The following DPF3 variants were observed in gnomAD, a reference collection of about 807,000 sequenced individuals.
The protein encoded by DPF3 is double PHD fingers 3, also known as zinc finger protein DPF3.
Under a neutral mutation model 56.8 loss-of-function variants are expected in DPF3, and 18 were observed. The ratio of observed to expected loss-of-function variants is 0.32; its 90% CI spans 0.22 to 0.47. The LOEUF (loss-of-function observed/expected upper bound fraction) is 0.47. DPF3 is among the 20% of genes least tolerant of loss of function. The pLI is 1.00. For synonymous variants in DPF3, 188 were observed against 180.2 expected, an observed-to-expected ratio of 1.04 and a Z score of -0.35; for missense variants, 403 against 488.8, an observed-to-expected ratio of 0.82 and a Z score of 1.65.
rs560835019 is a variant in DPF3, at chr14:72,753,362, G to A, written c.203C>T (p.Pro68Leu). The part of the protein sequence containing the change: ...EKRHRGPGLA[P>L]GQLYTYPARC... Reference sequence around the variant, plus strand: ...GGCAGGGTATGTATACAGCTGGCCCGGGGCAAGGCCTGTGGACAGAGACAA... The same window carrying A: ...GGCAGGGTATGTATACAGCTGGCCCAGGGCAAGGCCTGTGGACAGAGACAA... Residue 68 changes from proline to leucine, a missense_variant, in exon 3 of 11, where the codon CCG (proline) becomes CTG (leucine). Pro to Leu is a moderately conservative substitution (Grantham distance 98). Transcript: ENST00000556509. The A allele has an allele frequency of 7.4e-6, 12 of 1,610,990 alleles. No individual in the cohort carries two copies. Among genetic ancestry groups the A allele is most frequent in the African/African-American group, 4.0e-5 (3 of 74,982 alleles).
intron 8 of DPF3, among the ~76,000 whole-genome samples, chr14:72,647,039 T>A (rs1037754740): frequency 6.6e-5 from 10 of 152,324 alleles, no homozygotes; most frequent in African/African-American, 2.4e-4. Flanking sequence ...TAATGCAGCG[T>A]GTGGAACCTC....
chr14:72,721,829 G>C (rs1401868657), intron 5 of DPF3, among the ~76,000 whole-genome samples: 1 of 152,108 alleles, frequency 6.6e-6, no homozygotes, highest in Non-Finnish European at 1.5e-5. Context: ...ACAGAGGATG[G>C]AGAAAGACAT....
chr14:72,751,161 G>C (rs931742657), intron 3 of DPF3, among the ~76,000 whole-genome samples: 1 of 152,118 alleles, frequency 6.6e-6, no homozygotes, highest in African/African-American at 2.4e-5. Flanking sequence ...CTGCACACCA[G>C]ACTGGGCAAC....
chr14:72,642,582 G>A (rs1461832257), intron 8 of DPF3, among the ~76,000 whole-genome samples: 1 of 152,194 alleles, frequency 6.6e-6, no homozygotes, highest in Non-Finnish European at 1.5e-5. Context: ...AGCATTTACA[G>A]CAAGGTGAGT....
At chr14:72,729,434 G>A (rs1432140932) in intron 4 of DPF3, among the ~76,000 whole-genome samples, 2 of 152,132 alleles carry the variant, frequency 1.3e-5, no homozygotes, top group African/African-American at 2.4e-5. Flanking sequence ...GAGGAAAAGA[G>A]GAAGAGTGGA....
At chr14:72,791,973 G>A (rs1892453359) in intron 1 of DPF3, among the ~76,000 whole-genome samples, 1 of 152,190 alleles carries the variant, frequency 6.6e-6, no homozygotes. Flanking sequence ...CAGGATGACA[G>A]TTAGGATAAA....
At chr14:72,779,199 C>G (rs1023391299) in intron 1 of DPF3, among the ~76,000 whole-genome samples, 2 of 152,188 alleles carry the variant, frequency 1.3e-5, no homozygotes, top group African/African-American at 2.4e-5. Flanking sequence ...ATGTGGCATG[C>G]TTGTGCACAG....
intron 3 of DPF3, among the ~76,000 whole-genome samples, chr14:72,742,880 C>T (rs1265594737): frequency 6.6e-6 from 1 of 152,148 alleles, no homozygotes; most frequent in Non-Finnish European, 1.5e-5. Context: ...CCTCACCACC[C>T]CTGCTCGAGC....
At chr14:72,699,337 T>C (rs767087794) in intron 6 of DPF3, among the ~76,000 whole-genome samples, 1 of 151,766 alleles carries the variant, frequency 6.6e-6, no homozygotes, top group Non-Finnish European at 1.5e-5. Flanking sequence ...CTGGGCAACA[T>C]AGCAAGGCCC....
chr14:72,745,984 C>A (rs962334599), intron 3 of DPF3, among the ~76,000 whole-genome samples: 1 of 152,190 alleles, frequency 6.6e-6, no homozygotes, highest in African/African-American at 2.4e-5. Context: ...GGAAGTTGGG[C>A]AGGTTGTGCC....
At position 72,616,813 on chromosome 14, in the gene DPF3, G is replaced by A. The variant is rs181659866; in HGVS notation, c.*2484C>T. ...GACCAATTTAAAGTTTACCAACCCCGTCCTCTTTTGAACACAGAGGTGATA... is the reference window on the plus strand; with the variant it reads ...GACCAATTTAAAGTTTACCAACCCCATCCTCTTTTGAACACAGAGGTGATA... On this transcript the variant is annotated 3_prime_UTR_variant, in exon 11 of 11. Transcript: ENST00000556509. Among the ~76,000 whole-genome samples, 50 of 152,266 alleles carry A rather than the reference G, an allele frequency of 3.3e-4. No individual in the cohort carries two copies. Among genetic ancestry groups the A allele is most frequent in the African/African-American group, 9.1e-4 (38 of 41,556 alleles).
intron 1 of DPF3, among the ~76,000 whole-genome samples, chr14:72,861,811 G>T (rs1885451231): frequency 6.6e-6 from 1 of 150,670 alleles, no homozygotes; most frequent in Non-Finnish European, 1.5e-5. Flanking sequence ...AAGAAGGAAA[G>T]AATTTGGAAA....
At chr14:72,789,229 C>T (rs1467371435) in intron 1 of DPF3, among the ~76,000 whole-genome samples, 1 of 152,106 alleles carries the variant, frequency 6.6e-6, no homozygotes, top group Non-Finnish European at 1.5e-5. Context: ...ACAGTGCCCT[C>T]CCTGCTTAGA....
chr14:72,616,710 G>C lies in DPF3; in HGVS notation c.*2587C>G, dbSNP rs137903879. Among the ~76,000 whole-genome samples, 331 of 152,240 alleles carry C rather than the reference G, an allele frequency of 2.2e-3. No homozygotes were observed. The highest frequency in any genetic ancestry group is 4.2e-3 in the South Asian group (20 of 4,812). On this transcript the variant is annotated 3_prime_UTR_variant, in exon 11 of 11. Coordinates refer to ENST00000556509, the MANE Select transcript of DPF3 (RefSeq NM_001280542.3). ...CCCAGTGTCACACAGCTACTCCATG[G>C]CAGAGGCAACACAAAAACTCTGATC...
chr14:72,842,578 G>C (rs1170279204), intron 1 of DPF3, among the ~76,000 whole-genome samples: 3 of 152,192 alleles, frequency 2.0e-5, no homozygotes, highest in African/African-American at 4.8e-5. Flanking sequence ...AAGGGGCACG[G>C]CTAGGCTTCT....
At chr14:72,663,540 C>T (rs533144429) in intron 8 of DPF3, among the ~76,000 whole-genome samples, 1 of 152,288 alleles carries the variant, frequency 6.6e-6, no homozygotes, top group Non-Finnish European at 1.5e-5. Flanking sequence ...ACAGGTGGGC[C>T]CTTTTGCCTG....
At chr14:72,831,944 G>T in intron 1 of DPF3, among the ~76,000 whole-genome samples, 1 of 152,226 alleles carries the variant, frequency 6.6e-6, no homozygotes, top group East Asian at 1.9e-4. Flanking sequence ...AGGGCTAGGT[G>T]TGGTGGCTCA....
intron 5 of DPF3, among the ~76,000 whole-genome samples, chr14:72,720,419 G>T (rs1889119677): frequency 6.6e-6 from 1 of 152,174 alleles, no homozygotes; most frequent in Admixed American, 6.5e-5. Flanking sequence ...AGCACAGGAG[G>T]CTTGCCCACA....
At chr14:72,685,576 A>G (rs933087276) in intron 7 of DPF3, among the ~76,000 whole-genome samples, 1 of 152,248 alleles carries the variant, frequency 6.6e-6, no homozygotes, top group East Asian at 1.9e-4. Flanking sequence ...TAAGTGGTAC[A>G]TGACTCATGA....
Sources: allele counts gnomAD v4.1 joint callset (sites outside exome capture counted in the v4.1 genomes callset), GRCh38; gene constraint gnomAD v4.1.1; transcripts MANE v1.5; gene names NCBI Gene and HGNC (gene_info 2026-07-23, HGNC 2026-07-21).